PCM1: variants seen among roughly 807,000 people sequenced by gnomAD.
PCM1 encodes pericentriolar material 1 protein.
In PCM1, 157 loss-of-function variants were observed where a neutral mutation model predicts 241.9. The ratio of observed to expected loss-of-function variants is 0.65; its 90% confidence interval spans 0.57 to 0.74. PCM1 has a LOEUF of 0.74. PCM1 is among the 30% of genes least tolerant of loss of function. The pLI, the probability that PCM1 is intolerant of heterozygous loss-of-function variation, is 0.00. For synonymous variants in PCM1, 1,085 were observed against 784.9 expected, an observed-to-expected ratio of 1.38 and a Z score of -6.39; for missense variants, 3,478 against 2,360.1, an observed-to-expected ratio of 1.47 and a Z score of -9.81.
chr8:17,986,363 TAA>T (rs1172923768), intron 26 of PCM1: 1 of 201,578 alleles, frequency 5.0e-6, no homozygotes, highest in Non-Finnish European at 9.9e-6. Flanking sequence ...GGCTGACTCT[TAA>T]AAGACATTTA....
intron 26 of PCM1, among the ~76,000 whole-genome samples, chr8:17,989,522 T>A (rs2083765622): frequency 6.6e-6 from 1 of 152,072 alleles, no homozygotes; most frequent in Admixed American, 6.6e-5. Context: ...TAGACATTGT[T>A]AGCATTTGGA....
intron 2 of PCM1, among the ~76,000 whole-genome samples, chr8:17,928,471 GT>G (rs1029303288): frequency 1.3e-5 from 2 of 151,482 alleles, no homozygotes; most frequent in Admixed American, 6.6e-5. Context: ...TCCTTTCTTG[GT>G]TTTTTTCAAT....
intron 20 of PCM1, 69 bp from the exon 21 acceptor site, chr8:17,966,911 C>T: frequency 7.3e-7 from 1 of 1,371,592 alleles, no homozygotes; most frequent in Non-Finnish European, 9.9e-7. Flanking sequence ...TACATGTATT[C>T]TTCCTGAATG....
At chr8:17,984,581 G>A (rs563454792) in intron 24 of PCM1, among the ~76,000 whole-genome samples, 1 of 151,734 alleles carries the variant, frequency 6.6e-6, no homozygotes, top group East Asian at 1.9e-4. Flanking sequence ...TAAATTATTA[G>A]CCAAGTAGTG....
At chr8:18,011,127 T>A (rs756014382) in intron 32 of PCM1, 110 bp from the exon 33 acceptor site, 14 of 676,042 alleles carry the variant, frequency 2.1e-5, no homozygotes, top group African/African-American at 3.8e-5. Flanking sequence ...TCAAAAATGG[T>A]TCTTTGTATT....
rs752648643 is a variant in PCM1, at chr8:17,950,694, G to C, written c.1041G>C (p.Gln347His). ...ELNEELNDLI[Q>H]RFHNQLRDSQ... ...ATGAAGAATTGAATGACTTAATTCA[G>C]CGTTTTCATAATCAGCTTCGTGATT... Residue 347 changes from glutamine to histidine, a missense_variant, in exon 8 of 39, where the codon CAG becomes CAC. Physicochemically the swap from Gln to His is conservative, Grantham distance 24. Transcript: ENST00000325083. 1.9e-6 allele frequency: 3 copies of C among 1,597,940 alleles called. No homozygotes were observed. In the South Asian group the frequency reaches 3.4e-5, roughly 18 times the overall value.
At chr8:17,952,587 C>T (rs112652473) in intron 8 of PCM1, among the ~76,000 whole-genome samples, 16 of 152,068 alleles carry the variant, frequency 1.1e-4, no homozygotes, top group African/African-American at 3.1e-4. Flanking sequence ...AAAAATATAA[C>T]AGCTATTTAC....
chr8:17,979,210 C>G (rs2079827550), intron 23 of PCM1, among the ~76,000 whole-genome samples: 1 of 151,734 alleles, frequency 6.6e-6, no homozygotes. Flanking sequence ...TGAAAGTACT[C>G]CAGAGATATT....
At chr8:17,942,625 GT>G (rs2062476836) in intron 6 of PCM1, among the ~76,000 whole-genome samples, 1 of 151,868 alleles carries the variant, frequency 6.6e-6, no homozygotes, top group African/African-American at 2.4e-5. Context: ...TGTTTAATTG[GT>G]TTTTTAATTT....
At chr8:18,012,045 C>A (rs1345035567) in intron 34 of PCM1, among the ~76,000 whole-genome samples, 1 of 152,120 alleles carries the variant, frequency 6.6e-6, no homozygotes, top group East Asian at 1.9e-4. Context: ...GGCTGGAGTG[C>A]AGTGGTGTAA....
rs190307293 is a variant in PCM1, at chr8:17,939,351, A to G, written c.613-340A>G. Among the ~76,000 whole-genome samples the G allele has an allele frequency of 2.9e-4, 38 of 130,030 alleles. No individual in the cohort carries two copies. The East Asian group carries it at 8.3e-3, about 29-fold the overall frequency. 85.3% of individuals were successfully genotyped at this position (130,030 alleles called of 152,430 possible). A position where few individuals can be genotyped will look rare whatever the true frequency, so the allele number is the denominator to read the frequency against. The stretch of plus-strand genomic sequence containing the variant: ...CAAATATTCTTTTGAAAAGTTGTAA[A>G]ACTATAATACATTTAATTAATTTAT... On this transcript the variant is annotated intron_variant, in intron 5 of 38. Coordinates refer to ENST00000325083, the MANE Select transcript of PCM1 (RefSeq NM_006197.4).
intron 28 of PCM1, among the ~76,000 whole-genome samples, chr8:17,991,934 A>G (rs1243640084): frequency 6.6e-6 from 1 of 152,144 alleles, no homozygotes; most frequent in African/African-American, 2.4e-5. Context: ...GCTACCACTT[A>G]TGAGTGAGAA....
intron 23 of PCM1, among the ~76,000 whole-genome samples, chr8:17,976,483 A>G (rs2078814000): frequency 6.6e-6 from 1 of 152,226 alleles, no homozygotes; most frequent in African/African-American, 2.4e-5. Flanking sequence ...TCCTGGGGCA[A>G]GAGAGAGGTG....
chr8:17,957,943 C>G (rs973833422), intron 13 of PCM1, among the ~76,000 whole-genome samples, 168 bp downstream of exon 13: 2 of 152,124 alleles, frequency 1.3e-5, no homozygotes, highest in East Asian at 3.9e-4. Context: ...AGGTCAGCAA[C>G]CTTTTTAAAT....
At chr8:18,013,154 C>G (rs1388596018) in intron 34 of PCM1, among the ~76,000 whole-genome samples, 3 of 152,116 alleles carry the variant, frequency 2.0e-5, no homozygotes, top group Non-Finnish European at 4.4e-5. Context: ...CCTTCACTGT[C>G]GTCCTGCCTG....
chr8:17,986,383 A>G (rs1187363360), intron 26 of PCM1: 3 of 177,466 alleles, frequency 1.7e-5, no homozygotes, highest in Admixed American at 6.2e-5. Context: ...TTACAAATGT[A>G]TGTTGTATTT....
rs772932936 is a variant in PCM1 at position 17,986,131 on chromosome 8, T to A, written c.4410+44T>A. 19 of 1,319,668 alleles carry A rather than the reference T, an allele frequency of 1.4e-5. No individual in the cohort carries two copies. The East Asian group carries it at 3.6e-4, about 25-fold the overall frequency. The allele number at this position is 1,319,668 out of a possible 1,614,324, so 81.7% of individuals were successfully genotyped here. A position where few individuals can be genotyped will look rare whatever the true frequency, so the allele number is the denominator to read the frequency against. On this transcript the variant is annotated intron_variant, in intron 26 of 38. Coordinates refer to ENST00000325083, the MANE Select transcript of PCM1 (RefSeq NM_006197.4). ...GTGAATTGTAGATATAATTTTAGTA[T>A]GCAGTAAATAAAAGTTAAATAGATT...
Position 18,027,975 on chromosome 8 carries a change from A to C in PCM1, c.*313A>C. On this transcript the variant is annotated 3_prime_UTR_variant, in exon 39 of 39. Transcript: ENST00000325083. ...TAAAGTTTGGACTTATCTATAAAGTATCTTTTTTGGAAATTATATTGAATT... is the reference window on the plus strand; with the variant it reads ...TAAAGTTTGGACTTATCTATAAAGTCTCTTTTTTGGAAATTATATTGAATT... 1 of 286,568 alleles carries C rather than the reference A, an allele frequency of 3.5e-6. No homozygotes were observed. The highest frequency in any genetic ancestry group is 6.5e-6 in the Non-Finnish European group (1 of 154,878). The allele number at this position is 286,568 out of a possible 1,614,324, so 17.8% of individuals were successfully genotyped here.
At chr8:17,950,567 A>C (rs1202893233) in intron 7 of PCM1, 48 bp from the exon 8 acceptor site, 1 of 892,054 alleles carries the variant, frequency 1.1e-6, no homozygotes, top group African/African-American at 1.7e-5. Flanking sequence ...AGATTAAAAA[A>C]GGTGTTTGAT....
Sources: allele counts gnomAD v4.1 joint callset (sites outside exome capture counted in the v4.1 genomes callset), GRCh38; gene constraint gnomAD v4.1.1; transcripts MANE v1.5; gene names NCBI Gene and HGNC (gene_info 2026-07-23, HGNC 2026-07-21).